The following LRP12 variants were observed in gnomAD, a reference collection of about 807,000 sequenced individuals.
LRP12 encodes LDL receptor related protein 12.
LRP12 carries 14 observed loss-of-function variants against 66.0 expected under a neutral mutation model. The ratio of observed to expected loss-of-function variants is 0.21; its 90% CI spans 0.14 to 0.33. The LOEUF (loss-of-function observed/expected upper bound fraction) is 0.33, where lower values mean the gene tolerates loss of function less well. Ranked by LOEUF, LRP12 falls within the 10% of genes least tolerant of loss-of-function variation. The pLI, the probability that LRP12 is intolerant of heterozygous loss-of-function variation, is 1.00. For missense variants in LRP12, 889 were observed against 1,053.4 expected (o/e 0.84, Z 2.16); for synonymous variants, 357 against 359.1 (o/e 0.99, Z 0.07).
chr8:104,565,471 A>G (rs1319180094), intron 1 of LRP12, among the ~76,000 whole-genome samples: 2 of 152,230 alleles, frequency 1.3e-5, no homozygotes, highest in Non-Finnish European at 2.9e-5. Context: ...TCTGAAAGAA[A>G]ATATTGAAGC....
At chr8:104,533,258 A>T (rs533162474) in intron 1 of LRP12, among the ~76,000 whole-genome samples, 1 of 152,122 alleles carries the variant, frequency 6.6e-6, no homozygotes, top group Non-Finnish European at 1.5e-5. Flanking sequence ...AATGTCACAC[A>T]TACAGAATTG....
intron 5 of LRP12, 34 bp from the exon 6 acceptor site, chr8:104,495,243 A>AG (rs754768758): frequency 1.3e-6 from 2 of 1,591,222 alleles, no homozygotes; most frequent in Non-Finnish European, 1.7e-6. Context: ...AATGATTAAA[A>AG]GGGGGAGCGA....
intron 1 of LRP12, among the ~76,000 whole-genome samples, chr8:104,581,945 G>T (rs16871570): frequency 6.6e-6 from 1 of 151,958 alleles, no homozygotes; most frequent in African/African-American, 2.4e-5. Flanking sequence ...ATAATTTCAC[G>T]AAACAATTCT....
chr8:104,574,629 G>C (rs1032298197), intron 1 of LRP12, among the ~76,000 whole-genome samples: 1 of 152,136 alleles, frequency 6.6e-6, no homozygotes, highest in Non-Finnish European at 1.5e-5. Flanking sequence ...GTGGCTTTCA[G>C]CATTTAAAAT....
intron 1 of LRP12, among the ~76,000 whole-genome samples, chr8:104,550,548 T>G (rs2140880038): frequency 6.6e-6 from 1 of 152,284 alleles, no homozygotes; most frequent in Admixed American, 6.5e-5. Context: ...CTTATATTCC[T>G]TACCTTGGTG....
intron 1 of LRP12, 69 bp downstream of exon 1, chr8:104,588,750 T>C: frequency 7.0e-7 from 1 of 1,419,928 alleles, no homozygotes; most frequent in Non-Finnish European, 9.7e-7. Flanking sequence ...ACCCCCGTCC[T>C]GGAGGCCTCG....
intron 2 of LRP12, among the ~76,000 whole-genome samples, chr8:104,511,737 GA>G (rs1389648687): frequency 1.3e-5 from 2 of 151,826 alleles, no homozygotes. Context: ...TTCTACTGCA[GA>G]AAAAAAAGTT....
At chr8:104,554,267 CAAG>C (rs1015424898) in intron 1 of LRP12, among the ~76,000 whole-genome samples, 3 of 152,108 alleles carry the variant, frequency 2.0e-5, no homozygotes, top group Admixed American at 6.5e-5. Flanking sequence ...GGATCCAAAC[CAAG>C]AAGAAATCTC....
chr8:104,501,059 T>C (rs914970970), intron 3 of LRP12, among the ~76,000 whole-genome samples: 1 of 152,216 alleles, frequency 6.6e-6, no homozygotes, highest in African/African-American at 2.4e-5. Context: ...TTATTTCTAT[T>C]TCTTTTACTC....
chr8:104,574,433 T>A (rs1198824060), intron 1 of LRP12, among the ~76,000 whole-genome samples: 1 of 152,230 alleles, frequency 6.6e-6, no homozygotes, highest in East Asian at 1.9e-4. Context: ...AATTTATTCA[T>A]CTATTCTATT....
intron 2 of LRP12, among the ~76,000 whole-genome samples, chr8:104,509,275 A>C (rs1363735848): frequency 6.6e-6 from 1 of 152,246 alleles, no homozygotes; most frequent in Admixed American, 6.5e-5. Context: ...CCTTATTCCA[A>C]TAAAATACAG....
intron 1 of LRP12, among the ~76,000 whole-genome samples, chr8:104,552,834 C>A (rs970936777): frequency 6.6e-6 from 1 of 152,110 alleles, no homozygotes; most frequent in Admixed American, 6.5e-5. Context: ...CAGAAACATA[C>A]CAAGAAAGCC....
intron 1 of LRP12, among the ~76,000 whole-genome samples, chr8:104,540,573 C>T (rs988409641): frequency 6.6e-6 from 1 of 152,188 alleles, no homozygotes; most frequent in Non-Finnish European, 1.5e-5. Flanking sequence ...GATTTAATTA[C>T]TGGTATCCTA....
intron 1 of LRP12, among the ~76,000 whole-genome samples, chr8:104,578,260 C>T (rs1564149490): frequency 6.6e-6 from 1 of 152,118 alleles, no homozygotes; most frequent in African/African-American, 2.4e-5. Flanking sequence ...ATGTTGCAAA[C>T]ACCTGTATGC....
intron 2 of LRP12, among the ~76,000 whole-genome samples, chr8:104,523,151 C>T (rs1412110570): frequency 1.3e-5 from 2 of 151,886 alleles, no homozygotes; most frequent in South Asian, 2.1e-4. Flanking sequence ...TGTGTAAGTC[C>T]ACTTATACAT....
chr8:104,547,609 TATATA>T (rs757678277), intron 1 of LRP12, among the ~76,000 whole-genome samples: 39 of 123,052 alleles, frequency 3.2e-4, no homozygotes, highest in South Asian at 7.1e-4. Context: ...TAATTATTAA[TATATA>T]ATATATTAAT....
chr8:104,513,528 C>T (rs2140847070), intron 2 of LRP12, among the ~76,000 whole-genome samples: 1 of 152,260 alleles, frequency 6.6e-6, no homozygotes, highest in Non-Finnish European at 1.5e-5. Context: ...CTTATCTCCA[C>T]AGAAACCATG....
At chr8:104,563,045 G>A (rs920967117) in intron 1 of LRP12, among the ~76,000 whole-genome samples, 1 of 152,126 alleles carries the variant, frequency 6.6e-6, no homozygotes, top group African/African-American at 2.4e-5. Flanking sequence ...AACTATAAAA[G>A]AACAATATAG....
At chr8:104,528,662 C>G (rs1811281838) in intron 2 of LRP12, among the ~76,000 whole-genome samples, 1 of 151,974 alleles carries the variant, frequency 6.6e-6, no homozygotes, top group Non-Finnish European at 1.5e-5. Flanking sequence ...GTAGTCCCAG[C>G]TACTTGGGAG....
Sources: allele counts gnomAD v4.1 joint callset (sites outside exome capture counted in the v4.1 genomes callset), GRCh38; gene constraint gnomAD v4.1.1; transcripts MANE v1.5; gene names NCBI Gene and HGNC (gene_info 2026-07-23, HGNC 2026-07-21).